ANO4: variants seen among roughly 807,000 people sequenced by gnomAD.
The protein encoded by ANO4 is anoctamin 4, also known as anoctamin-4.
ANO4 carries 69 observed loss-of-function variants against 141.9 expected under a neutral mutation model. The observed-to-expected ratio is 0.49, with a 90% CI of 0.40 to 0.59. The LOEUF (loss-of-function observed/expected upper bound fraction) is 0.59, where lower values mean the gene tolerates loss of function less well. Ranked by LOEUF, ANO4 falls within the 20% of genes least tolerant of loss-of-function variation. The probability of loss-of-function intolerance (pLI) is 0.00; values close to 1 mark genes in which losing one functional copy is unlikely to be tolerated. For synonymous variants in ANO4, 350 were observed against 394.3 expected, an observed-to-expected ratio of 0.89 and a Z score of 1.33; for missense variants, 894 against 1,162.2, an observed-to-expected ratio of 0.77 and a Z score of 3.36.
chr12:100,748,614 C>G (rs1031384041), intron 3 of ANO4, among the ~76,000 whole-genome samples: 1 of 152,182 alleles, frequency 6.6e-6, no homozygotes, highest in Non-Finnish European at 1.5e-5. Flanking sequence ...GTGTTTTTAT[C>G]CATTCTGACA....
chr12:101,056,278 A>G (rs2048113558), intron 14 of ANO4, among the ~76,000 whole-genome samples: 2 of 152,170 alleles, frequency 1.3e-5, no homozygotes, highest in African/African-American at 2.4e-5. Context: ...TCTCTAAGCA[A>G]TGTCTTATTA....
At chr12:100,970,689 C>A (rs1049448642) in intron 5 of ANO4, among the ~76,000 whole-genome samples, 5 of 123,090 alleles carry the variant, frequency 4.1e-5, no homozygotes, top group African/African-American at 1.5e-4. Flanking sequence ...TTCCTTCCTT[C>A]CTTCCTTCCT....
chr12:101,001,578 A>G (rs573412254), intron 8 of ANO4, among the ~76,000 whole-genome samples: 10 of 152,338 alleles, frequency 6.6e-5, no homozygotes, highest in African/African-American at 2.2e-4. Flanking sequence ...TTGCAAACCC[A>G]TGCTCCTTCC....
chr12:100,959,513 T>C (rs2043316465), intron 5 of ANO4, among the ~76,000 whole-genome samples: 1 of 152,158 alleles, frequency 6.6e-6, no homozygotes, highest in Non-Finnish European at 1.5e-5. Context: ...CACCTACCAT[T>C]CTGTTTTCAA....
At chr12:100,929,245 A>C (rs571189062) in intron 3 of ANO4, among the ~76,000 whole-genome samples, 1 of 152,138 alleles carries the variant, frequency 6.6e-6, no homozygotes, top group South Asian at 2.1e-4. Context: ...GTACCCATTA[A>C]CCATCCCCAC....
Position 100,937,417 on chromosome 12 carries a change from C to T in ANO4, c.161-1898C>T, listed in dbSNP as rs372054778. Among the ~76,000 whole-genome samples, 5 of 152,296 alleles carry T rather than the reference C, an allele frequency of 3.3e-5. No homozygotes were observed. The East Asian group carries it at 7.7e-4, about 24-fold the overall frequency. On this transcript the variant is annotated intron_variant, in intron 3 of 27. Coordinates refer to ENST00000392977, the MANE Select transcript of ANO4 (RefSeq NM_001286615.2). ...CAATTATGGGAGGGAGATCTTTTTA[C>T]ATCCAGTGGTCAGGGAAGTTGTCTT...
intron 14 of ANO4, among the ~76,000 whole-genome samples, chr12:101,058,286 C>G (rs1460618486): frequency 2.0e-5 from 3 of 152,268 alleles, no homozygotes; most frequent in East Asian, 3.9e-4. Context: ...AGTTTGAAGT[C>G]AGGTAGCGTG....
At chr12:100,832,049 G>C (rs1384747618) in intron 1 of ANO4, among the ~76,000 whole-genome samples, 1 of 152,006 alleles carries the variant, frequency 6.6e-6, no homozygotes, top group African/African-American at 2.4e-5. Flanking sequence ...TGGTGTCAGA[G>C]CCAGGGTTTG....
intron 3 of ANO4, among the ~76,000 whole-genome samples, chr12:100,749,349 G>A (rs570728991): frequency 1.3e-5 from 2 of 152,236 alleles, no homozygotes; most frequent in South Asian, 4.1e-4. Context: ...AACTAAGTTG[G>A]GAACCGCCTG....
At chr12:100,985,233 T>C (rs2136324362) in intron 7 of ANO4, among the ~76,000 whole-genome samples, 1 of 152,354 alleles carries the variant, frequency 6.6e-6, no homozygotes, top group Middle Eastern at 3.4e-3. Flanking sequence ...TCATTGAGCA[T>C]AGACTAGTGA....
chr12:100,754,935 G>A (rs56097906), intron 3 of ANO4, among the ~76,000 whole-genome samples: 29,008 of 152,140 alleles, frequency 0.19, 3,190 homozygotes, highest in Non-Finnish European at 0.25. Context: ...TGCTTAATGT[G>A]TACAGGGTTT....
At chr12:100,873,875 G>A (rs1351747444) in intron 1 of ANO4, among the ~76,000 whole-genome samples, 1 of 152,216 alleles carries the variant, frequency 6.6e-6, no homozygotes, top group Non-Finnish European at 1.5e-5. Context: ...TAGGGTCAGA[G>A]GCCTAGGAGG....
intron 5 of ANO4, among the ~76,000 whole-genome samples, chr12:100,952,013 C>T (rs946070437): frequency 6.6e-6 from 1 of 152,054 alleles, no homozygotes; most frequent in South Asian, 2.1e-4. Context: ...GAGGAATCAT[C>T]CCTAGCTGAG....
intron 13 of ANO4, among the ~76,000 whole-genome samples, chr12:101,044,867 T>C (rs1200268331): frequency 1.3e-5 from 2 of 152,194 alleles, no homozygotes; most frequent in African/African-American, 4.8e-5. Context: ...AGAGTGACTT[T>C]AGGACATAGA....
chr12:100,939,328 C>G lies in ANO4; in HGVS notation c.174C>G (p.Val58=). The G allele has an allele frequency of 6.2e-7, 1 of 1,613,146 alleles. No homozygotes were observed. Among genetic ancestry groups the G allele is most frequent in the Non-Finnish European group, 8.5e-7 (1 of 1,179,340 alleles). ...LNAIQEMAKD[V]NILFDELEAV... is the part of the protein sequence containing the mutation. The stretch of plus-strand genomic sequence containing the variant: ...CTTTGGTTCTAGTGGCCAAGGATGT[C>G]AATATTCTTTTTGATGAATTAGAAG... Residue 58 remains valine (V), a synonymous_variant, in exon 4 of 28, where the codon GTC becomes GTG. Transcript: ENST00000392977.
chr12:101,041,742 A>G (rs922315301), intron 11 of ANO4, among the ~76,000 whole-genome samples: 4 of 152,226 alleles, frequency 2.6e-5, no homozygotes, highest in Admixed American at 6.5e-5. Flanking sequence ...GACAGAGGCC[A>G]TAAGTTTTAC....
intron 2 of ANO4, among the ~76,000 whole-genome samples, chr12:100,909,115 G>T (rs1243866500): frequency 1.3e-5 from 2 of 152,200 alleles, no homozygotes; most frequent in African/African-American, 4.8e-5. Context: ...TAAATTTGAA[G>T]AATGTGGATG....
At chr12:100,745,475 T>C (rs2032060451) in intron 3 of ANO4, among the ~76,000 whole-genome samples, 1 of 152,254 alleles carries the variant, frequency 6.6e-6, no homozygotes, top group Admixed American at 6.5e-5. Flanking sequence ...GTTTTGATCA[T>C]GTACTTGTTC....
intron 3 of ANO4, among the ~76,000 whole-genome samples, chr12:100,925,606 G>A (rs12819149): frequency 0.22 from 33,310 of 150,366 alleles, 4,519 homozygotes; most frequent in South Asian, 0.41. Flanking sequence ...TAACAAACCT[G>A]CACGTTCTGC....
Sources: gnomAD v4.1 joint callset for allele counts (sites outside exome capture counted in the v4.1 genomes callset) on GRCh38, gnomAD v4.1.1 for gene constraint, MANE v1.5 for transcripts, NCBI Gene and HGNC (gene_info 2026-07-23, HGNC 2026-07-21) for gene names.